Variants in ABCA8 observed in about 807,000 individuals in gnomAD.
The protein encoded by ABCA8 is ATP binding cassette subfamily A member 8, also known as ABC-type organic anion transporter ABCA8.
A neutral mutation model predicts 192.3 loss-of-function variants in ABCA8; 177 were observed. The observed-to-expected ratio is 0.92, with a 90% CI of 0.81 to 1.04. ABCA8 has a LOEUF of 1.04. Among genes scored for constraint, ABCA8 ranks in the 50% least tolerant of loss-of-function variants. The pLI is 0.00. For synonymous variants in ABCA8, 642 were observed against 690.2 expected, an observed-to-expected ratio of 0.93 and a Z score of 1.09; for missense variants, 1,915 against 1,904.8, an observed-to-expected ratio of 1.01 and a Z score of -0.10.
At chr17:68,917,882 ATGG>A (rs1162462895) in intron 16 of ABCA8, among the ~76,000 whole-genome samples, 162 bp downstream of exon 16, 1 of 152,218 alleles carries the variant, frequency 6.6e-6, no homozygotes, top group Non-Finnish European at 1.5e-5. Context: ...ATACACTGAA[ATGG>A]TTGCAAGAGG....
At chr17:68,942,149 A>G (rs1318589311) in intron 2 of ABCA8, 110 bp from the exon 3 acceptor site, 5 of 738,934 alleles carry the variant, frequency 6.8e-6, no homozygotes, top group Non-Finnish European at 8.8e-6. Flanking sequence ...GTTCCAAATG[A>G]GTGCAAAGAG....
chr17:68,873,364 T>G (rs2066114939), intron 37 of ABCA8, among the ~76,000 whole-genome samples: 1 of 152,228 alleles, frequency 6.6e-6, no homozygotes, highest in Non-Finnish European at 1.5e-5. Context: ...CTCAGTGATA[T>G]TCACACAATG....
Position 68,927,972 on chromosome 17 carries a change from G to A in ABCA8, c.1217C>T (p.Ala406Val). ...TGCCAGATAGAGGCAAGTGTCAAAT[G>A]CCAACATGAAATTTGTTGCTACAAT... ...NLIVATNFML[A>V]FDTCLYLALA... Residue 406 changes from alanine to valine, a missense_variant, in exon 10 of 40, where the codon GCA (alanine) becomes GTA (valine). Coordinates refer to ENST00000586539, the MANE Select transcript of ABCA8 (RefSeq NM_001288985.2). The A allele has an allele frequency of 4.4e-6, 7 of 1,608,588 alleles. No homozygotes were observed. Among genetic ancestry groups the A allele is most frequent in the Non-Finnish European group, 5.9e-6 (7 of 1,178,076 alleles).
At position 68,924,723 on chromosome 17, in the gene ABCA8, A is replaced by C. The variant is rs1282624584; in HGVS notation, c.1420T>G (p.Phe474Val). 48 of 1,613,366 alleles carry C rather than the reference A, an allele frequency of 3.0e-5. No individual in the cohort carries two copies. The highest frequency in any genetic ancestry group is 4.0e-5 in the Non-Finnish European group (47 of 1,179,860). ...HDSFEQAPPE[F>V]QGKEAIRIRN... ...TACCTGATGGCTTCTTTCCCTTGGA[A>C]TTCTGGAGGCGCTTGTTCAAAAGAG... The change falls in exon 11 of 40, where the codon TTC (phenylalanine) becomes GTC (valine). Residue 474 changes from phenylalanine (F) to valine (V), a missense_variant. Transcript: ENST00000586539.
intron 10 of ABCA8, among the ~76,000 whole-genome samples, chr17:68,925,621 C>A (rs1041232561): frequency 5.9e-5 from 9 of 152,142 alleles, no homozygotes; most frequent in Admixed American, 5.2e-4. Flanking sequence ...GGTTTTCAAA[C>A]TTCTGTGTAT....
chr17:68,931,119 A>G (rs1442224846), intron 7 of ABCA8, among the ~76,000 whole-genome samples: 2 of 151,804 alleles, frequency 1.3e-5, no homozygotes, highest in Non-Finnish European at 2.9e-5. Flanking sequence ...TTCCCTTTCA[A>G]TCCCCTCCTA....
At chr17:68,930,173 T>C (rs566636597) in intron 7 of ABCA8, among the ~76,000 whole-genome samples, 1 of 152,290 alleles carries the variant, frequency 6.6e-6, no homozygotes. Flanking sequence ...ACTGTCTTAA[T>C]ACAGGGTAGC....
At position 68,882,732 on chromosome 17, in the gene ABCA8, C is replaced by T. The variant is rs2066366568; in HGVS notation, c.3708-13G>A. The T allele has an allele frequency of 1.9e-6, 3 of 1,606,438 alleles. No individual in the cohort carries two copies. Among genetic ancestry groups the T allele is most frequent in the African/African-American group, 2.7e-5 (2 of 74,552 alleles). On this transcript the variant is annotated splice_polypyrimidine_tract_variant and intron_variant, in intron 29 of 39. Transcript: ENST00000586539. ...TCTTGGAGAAATTCTAGAGTCAAAACCATCCATTAATATTGATTTCTGGCT... is the reference window on the plus strand; with the variant it reads ...TCTTGGAGAAATTCTAGAGTCAAAATCATCCATTAATATTGATTTCTGGCT...
At chr17:68,937,559 G>A (rs1022917246) in intron 4 of ABCA8, among the ~76,000 whole-genome samples, 5 of 152,048 alleles carry the variant, frequency 3.3e-5, no homozygotes, top group Non-Finnish European at 5.9e-5. Context: ...GCTAAAAAAG[G>A]TGATAAATTT....
In ABCA8 at chr17:68,887,410, A is replaced by G. The variant is rs748407515; in HGVS notation, c.3241T>C (p.Phe1081Leu). The G allele has an allele frequency of 6.2e-7, 1 of 1,613,590 alleles. No homozygotes were observed. The highest frequency in any genetic ancestry group is 8.5e-7 in the Non-Finnish European group (1 of 1,179,664). Residue 1081 changes from phenylalanine to leucine, a missense_variant, in exon 25 of 40, where the codon TTC (phenylalanine) becomes CTC (leucine). Physicochemically the swap from Phe to Leu is conservative, Grantham distance 22. Coordinates refer to ENST00000586539, the MANE Select transcript of ABCA8 (RefSeq NM_001288985.2). ...TAGCTCATTAAATATATAAAAACGA[A>G]GACCAAGAAGTACAGGGAAACATCC... ...LVDVSLYFLVFVFIYLMSYIS... is the reference protein window; with the variant it reads ...LVDVSLYFLVLVFIYLMSYIS...
intron 30 of ABCA8, 34 bp downstream of exon 30, chr17:68,882,561 AGACT>A (rs1749451061): frequency 6.4e-7 from 1 of 1,572,692 alleles, no homozygotes; most frequent in East Asian, 2.2e-5. Context: ...TTAGACTGGT[AGACT>A]GACTAATAAA....
chr17:68,936,264 C>T (rs577770311), intron 5 of ABCA8, among the ~76,000 whole-genome samples: 1 of 152,030 alleles, frequency 6.6e-6, no homozygotes, highest in South Asian at 2.1e-4. Flanking sequence ...GCCCAATGTC[C>T]AGAAGAGGTT....
chr17:68,920,510 GTTA>G (rs2067504851), intron 13 of ABCA8, among the ~76,000 whole-genome samples: 1 of 150,696 alleles, frequency 6.6e-6, no homozygotes, highest in Non-Finnish European at 1.5e-5. Flanking sequence ...CATGAAAATA[GTTA>G]TTATGAAATA....
intron 17 of ABCA8, 38 bp downstream of exon 17, chr17:68,917,323 A>G: frequency 7.8e-7 from 1 of 1,280,608 alleles, no homozygotes; most frequent in Non-Finnish European, 1.1e-6. Context: ...ATCAAGCCTT[A>G]CACTAGATCT....
At chr17:68,925,139 T>TC (rs1479935567) in intron 10 of ABCA8, among the ~76,000 whole-genome samples, 1 of 152,178 alleles carries the variant, frequency 6.6e-6, no homozygotes, top group Non-Finnish European at 1.5e-5. Context: ...TTTCTTAACC[T>TC]CAAGAAAGAC....
chr17:68,882,664 CCT>C lies in ABCA8; in HGVS notation c.3761_3762del (p.Glu1254GlyfsTer2), dbSNP rs772342628. The C allele has an allele frequency of 6.2e-6, 10 of 1,612,846 alleles. No individual in the cohort carries two copies. The highest frequency in any genetic ancestry group is 8.5e-6 in the Non-Finnish European group (10 of 1,179,456). ...ACTCTTTCCATCTGAACATCTTCAT[CCT>C]CTCCTTCTGGTTCTTCTGGATTTTG... is the stretch of plus-strand genomic sequence containing the variant. ...VCQNPEEPEG[E>X]DEDVQMERVR... On this transcript the variant is annotated frameshift_variant, in exon 30 of 40. Coordinates refer to ENST00000586539, the MANE Select transcript of ABCA8 (RefSeq NM_001288985.2). LOFTEE classifies it high-confidence loss of function.
intron 1 of ABCA8, among the ~76,000 whole-genome samples, chr17:68,951,946 C>T (rs2068578688): frequency 6.6e-6 from 1 of 152,084 alleles, no homozygotes; most frequent in South Asian, 2.1e-4. Flanking sequence ...CACGTTAAAC[C>T]TACTTTTCTT....
At position 68,875,569 on chromosome 17, in the gene ABCA8, G is replaced by A. The variant is rs764489430; in HGVS notation, c.4490+45C>T. ...TCCCTGCCACAGACAAAAATTTCCA[G>A]CAATGCACCTTGGGCTCAAGTGTGG... On this transcript the variant is annotated intron_variant, in intron 36 of 39. Transcript: ENST00000586539. The A allele has an allele frequency of 3.7e-6, 6 of 1,605,452 alleles. No homozygotes were observed. The African/African-American group carries it at 6.7e-5, about 18-fold the overall frequency.
chr17:68,885,348 T>C, intron 26 of ABCA8, 33 bp from the exon 27 acceptor site: 1 of 1,567,400 alleles, frequency 6.4e-7, no homozygotes, highest in Non-Finnish European at 8.6e-7. Context: ...TTAATCACTC[T>C]GAATTTCAAT....
Sources: allele counts gnomAD v4.1 joint callset (sites outside exome capture counted in the v4.1 genomes callset), GRCh38; gene constraint gnomAD v4.1.1; transcripts MANE v1.5; gene names NCBI Gene and HGNC (gene_info 2026-07-23, HGNC 2026-07-21).